Variants in ATAD2B observed in about 807,000 individuals in gnomAD.
The protein encoded by ATAD2B is ATPase family AAA domain containing 2B, also known as ATPase family AAA domain-containing protein 2B.
Under a neutral mutation model 167.6 loss-of-function variants are expected in ATAD2B, and 40 were observed. The observed-to-expected ratio is 0.24, with a 90% CI of 0.19 to 0.31. The LOEUF is 0.31. Among genes scored for constraint, ATAD2B ranks in the 10% least tolerant of loss-of-function variants. The probability of loss-of-function intolerance (pLI) is 1.00; values close to 1 mark genes in which losing one functional copy is unlikely to be tolerated. For missense variants in ATAD2B, 1,242 were observed against 1,757.2 expected (o/e 0.71, Z 5.24); for synonymous variants, 579 against 596.5 (o/e 0.97, Z 0.43).
intron 1 of ATAD2B, among the ~76,000 whole-genome samples, chr2:23,906,277 G>A (rs1019591442): frequency 3.9e-5 from 6 of 151,946 alleles, no homozygotes; most frequent in Non-Finnish European, 8.8e-5. Flanking sequence ...GAAGGCGGAG[G>A]CTGCAGTGAG....
chr2:23,745,235 C>A (rs1674768524), downstream of ATAD2B, among the ~76,000 whole-genome samples: 2 of 151,970 alleles, frequency 1.3e-5, no homozygotes, highest in African/African-American at 2.4e-5. Context: ...GGCAGTGAGC[C>A]AAGATCGTGT....
intron 13 of ATAD2B, among the ~76,000 whole-genome samples, chr2:23,841,128 G>C (rs1433156644): frequency 2.6e-5 from 3 of 114,244 alleles, no homozygotes; most frequent in Admixed American, 2.1e-4. Context: ...TTGTACAGAT[G>C]GGTTCTCATT....
chr2:23,777,353 T>TCTATAC (rs1427984804), intron 22 of ATAD2B, among the ~76,000 whole-genome samples: 1,533 of 149,006 alleles, frequency 0.01, 16 homozygotes, highest in Middle Eastern at 0.031. Flanking sequence ...TACTGATATA[T>TCTATAC]CTATATCTAT....
intron 1 of ATAD2B, 52 bp downstream of exon 1, chr2:23,926,503 G>A (rs1450446360): frequency 6.6e-7 from 1 of 1,520,810 alleles, no homozygotes; most frequent in East Asian, 2.5e-5. Context: ...CAAAGCCCCG[G>A]CAGCAGGGCC....
chr2:23,737,950 T>G, the ATAD2B span, among the ~76,000 whole-genome samples: 172 of 152,146 alleles, frequency 1.1e-3, 1 homozygote, highest in African/African-American at 4.0e-3. Context: ...AGGGTATCAG[T>G]GATGGAAGAC....
intron 22 of ATAD2B, among the ~76,000 whole-genome samples, chr2:23,781,006 C>G (rs940485007): frequency 1.3e-5 from 2 of 151,868 alleles, no homozygotes; most frequent in Non-Finnish European, 2.9e-5. Context: ...TTAGTATTAC[C>G]TATCAAATAA....
intron 1 of ATAD2B, among the ~76,000 whole-genome samples, chr2:23,919,188 A>AAGAG (rs147968741): frequency 5.3e-5 from 8 of 150,972 alleles, no homozygotes; most frequent in Admixed American, 1.3e-4. Flanking sequence ...ATTAAAAAAA[A>AAGAG]AGAGAGAGAG....
intron 1 of ATAD2B, among the ~76,000 whole-genome samples, chr2:23,910,173 CTTTTTTTTTTTT>C (rs756806271): frequency 3.7e-5 from 4 of 106,898 alleles, no homozygotes; most frequent in Non-Finnish European, 7.7e-5. Flanking sequence ...CTTGCATACT[CTTTTTTTTTTTT>C]TTTTTTTTTT....
At chr2:23,704,344 C>T in the ATAD2B span, among the ~76,000 whole-genome samples, 4 of 152,232 alleles carry the variant, frequency 2.6e-5, no homozygotes, top group Admixed American at 6.5e-5. Flanking sequence ...AAACCCACCC[C>T]TGCAGGCAGA....
the ATAD2B span, among the ~76,000 whole-genome samples, chr2:23,705,498 A>T: frequency 6.6e-6 from 1 of 152,188 alleles, no homozygotes; most frequent in African/African-American, 2.4e-5. Flanking sequence ...CTCAAAAAAA[A>T]AAAAAGAATG....
At chr2:23,706,401 AG>A in the ATAD2B span, 220 of 1,152,386 alleles carry the variant, frequency 1.9e-4, no homozygotes, top group African/African-American at 3.2e-3. Flanking sequence ...AGCCTACAAC[AG>A]GACACGACGT....
intron 10 of ATAD2B, among the ~76,000 whole-genome samples, chr2:23,866,213 T>C (rs1041214264): frequency 2.0e-5 from 3 of 152,144 alleles, no homozygotes; most frequent in Non-Finnish European, 4.4e-5. Flanking sequence ...CGAGACCAGC[T>C]TGACCAACAT....
intron 13 of ATAD2B, among the ~76,000 whole-genome samples, chr2:23,838,727 G>T (rs1690400638): frequency 6.6e-6 from 1 of 151,994 alleles, no homozygotes; most frequent in South Asian, 2.1e-4. Context: ...ATTATTTATA[G>T]AAAAGGTCAT....
chr2:23,752,110 T>C (rs566154175), intron 27 of ATAD2B, 23 bp from the exon 28 acceptor site: 1 of 1,505,596 alleles, frequency 6.6e-7, no homozygotes, highest in South Asian at 1.2e-5. Context: ...AAAAAATGCA[T>C]GTTATCTATT....
At chr2:23,903,942 G>GTGT (rs1039490666) in intron 1 of ATAD2B, among the ~76,000 whole-genome samples, 1 of 151,400 alleles carries the variant, frequency 6.6e-6, no homozygotes, top group Non-Finnish European at 1.5e-5. Flanking sequence ...GTTGTTGTTG[G>GTGT]TGGTGGTGGT....
intron 8 of ATAD2B, among the ~76,000 whole-genome samples, 176 bp downstream of exon 8, chr2:23,875,653 C>G (rs962268280): frequency 3.3e-5 from 5 of 152,190 alleles, no homozygotes. Flanking sequence ...GACCAAAGAG[C>G]TGTGTAGCTT....
chr2:23,875,927 T>C, intron 7 of ATAD2B, 23 bp from the exon 8 acceptor site: 5 of 1,496,702 alleles, frequency 3.3e-6, no homozygotes, highest in Admixed American at 1.8e-5. Context: ...AAAAGGATAA[T>C]AGAGAAATAA....
chr2:23,683,513 C>T, the ATAD2B span, among the ~76,000 whole-genome samples: 1 of 152,222 alleles, frequency 6.6e-6, no homozygotes, highest in Non-Finnish European at 1.5e-5. Context: ...CCCTCCTTCT[C>T]CTTTCTAAGC....
At chr2:23,706,388 G>A in the ATAD2B span, 29 of 999,500 alleles carry the variant, frequency 2.9e-5, no homozygotes, top group East Asian at 1.3e-4. Flanking sequence ...AAAAGGCACA[G>A]GCAGCCTACA....
Sources: gnomAD v4.1 joint callset for allele counts (sites outside exome capture counted in the v4.1 genomes callset) on GRCh38, gnomAD v4.1.1 for gene constraint, MANE v1.5 for transcripts, NCBI Gene and HGNC (gene_info 2026-07-23, HGNC 2026-07-21) for gene names.